Variants in CCNO observed in about 807,000 individuals in gnomAD.
The protein encoded by CCNO is cyclin O, also known as cyclin-O.
In CCNO, 24 loss-of-function variants were observed where a neutral mutation model predicts 23.9. That is an observed-to-expected ratio of 1.00 (90% CI 0.73 to 1.41). The LOEUF is 1.41. Among genes scored for constraint, CCNO ranks in the 40% most tolerant of loss-of-function variants. CCNO has a pLI of 0.00. For synonymous variants in CCNO, 241 were observed against 225.7 expected (o/e 1.07, Z -0.61); for missense variants, 542 against 476.2 (o/e 1.14, Z -1.29).
At chr5:55,231,886 C>T in intron 2 of CCNO, 26 bp from the exon 3 acceptor site, 1 of 1,503,654 alleles carries the variant, frequency 6.7e-7, no homozygotes, top group Non-Finnish European at 8.9e-7. Context: ...CACTCAACCC[C>T]GCTTTGCGGC....
chr5:55,231,935 C>A, intron 2 of CCNO, 75 bp from the exon 3 acceptor site: 1 of 1,443,648 alleles, frequency 6.9e-7, no homozygotes, highest in South Asian at 1.4e-5. Context: ...GACGCCCGGA[C>A]TTTCCCCATC....
chr5:55,231,683 G>A lies in CCNO; in HGVS notation c.745C>T (p.Gln249Ter). The part of the protein sequence containing the change: ...HFTHARVEAG[Q>*]AEASEALEAQ... ...TCCAGAGCTTCGGAGGCCTCAGCCT[G>A]CCCCGCCTCCACGCGAGCGTGCGTG... The change falls in exon 3 of 3, where the codon CAG becomes TAG. Residue 249 changes from glutamine to a stop codon, truncating the protein, a stop_gained. Transcript: ENST00000282572. LOFTEE classifies it high-confidence loss of function. 4 of 1,557,406 alleles carry A rather than the reference G, an allele frequency of 2.6e-6. No homozygotes were observed. Among genetic ancestry groups the A allele is most frequent in the Non-Finnish European group, 3.5e-6 (4 of 1,151,160 alleles).
At position 55,233,561 on chromosome 5, in the gene CCNO, C is replaced by T; in HGVS notation, c.-38G>A. ...TGGCCGCTTTACTACCTTCAACGCCCGGGCTGCGGCGGGCAGCAAACGCGC... is the reference window on the plus strand; with the variant it reads ...TGGCCGCTTTACTACCTTCAACGCCTGGGCTGCGGCGGGCAGCAAACGCGC... On this transcript the variant is annotated 5_prime_UTR_variant, in exon 1 of 3. Coordinates refer to ENST00000282572, the MANE Select transcript of CCNO (RefSeq NM_021147.5). The T allele has an allele frequency of 1.4e-6, 2 of 1,473,212 alleles. No individual in the cohort carries two copies. Among genetic ancestry groups the T allele is most frequent in the Non-Finnish European group, 8.9e-7 (1 of 1,118,458 alleles). The allele number at this position is 1,473,212 out of a possible 1,614,324, so 91.3% of individuals were successfully genotyped here.
At position 55,231,547 on chromosome 5, in the gene CCNO, A is replaced by G. The variant is rs113636604; in HGVS notation, c.881T>C (p.Met294Thr). Residue 294 changes from methionine (M) to threonine (T), a missense_variant, in exon 3 of 3, where the codon ATG (methionine) becomes ACG (threonine). Transcript: ENST00000282572. ...GTCCACGGGCCGCGAGACCCGCAGC[A>G]TGCGGTCCGCCAGCGCCAGGCAGCA... The part of the protein sequence containing the change: ...AICCLALADR[M>T]LRVSRPVDLR... The G allele has an allele frequency of 1.2e-6, 2 of 1,613,490 alleles. No homozygotes were observed. The highest frequency in any genetic ancestry group is 1.7e-6 in the Non-Finnish European group (2 of 1,179,970).
chr5:55,231,844 G>C lies in CCNO; in HGVS notation c.584C>G (p.Pro195Arg). 1 of 1,541,930 alleles carries C rather than the reference G, an allele frequency of 6.5e-7. No homozygotes were observed. The highest frequency in any genetic ancestry group is 8.8e-7 in the Non-Finnish European group (1 of 1,142,448). Residue 195 changes from proline to arginine, a missense_variant, in exon 3 of 3, where the codon CCG (proline) becomes CGG (arginine). By Grantham distance (103) the Pro-to-Arg change is moderately radical. Transcript: ENST00000282572. ...IACKQVEVHP[P>R]RVKQLLALCC... is the part of the protein sequence containing the mutation. ...GAGGGCCAGAAGCTGCTTCACGCGC[G>C]GCGGGTGCACCTCCACCTGCAACAC... is the stretch of plus-strand genomic sequence containing the variant.
Position 55,233,233 on chromosome 5 carries a change from G to T in CCNO, c.291C>A (p.Thr97=). 6.3e-7 allele frequency: 1 copy of T among 1,580,792 alleles called. No homozygotes were observed. The highest frequency in any genetic ancestry group is 8.6e-7 in the Non-Finnish European group (1 of 1,165,758). The change falls in exon 1 of 3, where the codon ACC becomes ACA. Residue 97 remains threonine, a synonymous_variant. Transcript: ENST00000282572. ...AQPVAQLDLQ[T]FRDYGQSCYA... ...AGCAGCTCTGGCCGTAGTCGCGGAAGGTCTGTAGATCTAGCTGCGCCACGG... is the reference window on the plus strand; with the variant it reads ...AGCAGCTCTGGCCGTAGTCGCGGAATGTCTGTAGATCTAGCTGCGCCACGG...
At chr5:55,232,619 C>A in intron 1 of CCNO, 73 bp from the exon 2 acceptor site, 1 of 1,443,360 alleles carries the variant, frequency 6.9e-7, no homozygotes, top group Admixed American at 1.8e-5. Context: ...GAAGGAAGGG[C>A]CAAGAAGAAT....
In CCNO at chr5:55,233,134, G is replaced by C. The variant is rs1203147514; in HGVS notation, c.381+9C>G. 2 of 1,540,408 alleles carry C rather than the reference G, an allele frequency of 1.3e-6. No homozygotes were observed. Among genetic ancestry groups the C allele is most frequent in the Non-Finnish European group, 8.7e-7 (1 of 1,146,276 alleles). Reference sequence around the variant, plus strand: ...CGGCGGCGTGGAGCTGGCTCTACCAGCACCTCACTTGTGGCTGCCGTGCCA... The same window carrying C: ...CGGCGGCGTGGAGCTGGCTCTACCACCACCTCACTTGTGGCTGCCGTGCCA... On this transcript the variant is annotated intron_variant, in intron 1 of 2. Coordinates refer to ENST00000282572, the MANE Select transcript of CCNO (RefSeq NM_021147.5).
In CCNO at chr5:55,231,154, T is replaced by G; in HGVS notation, c.*221A>C. ...CCCGCAGACAGACACTTGCAGGATT[T>G]AGACAAACCACAACTGTTTATTGGT... On this transcript the variant is annotated 3_prime_UTR_variant, in exon 3 of 3. Coordinates refer to ENST00000282572, the MANE Select transcript of CCNO (RefSeq NM_021147.5). 1.7e-6 allele frequency: 1 copy of G among 576,862 alleles called. No individual in the cohort carries two copies. The highest frequency in any genetic ancestry group is 3.1e-6 in the Non-Finnish European group (1 of 327,732). 35.7% of individuals were successfully genotyped at this position (576,862 alleles called of 1,614,324 possible). A position where few individuals can be genotyped will look rare whatever the true frequency, so the allele number is the denominator to read the frequency against.
In CCNO at chr5:55,232,351, C is replaced by T. The variant is rs755915635; in HGVS notation, c.567+10G>A. The T allele has an allele frequency of 4.8e-5, 77 of 1,611,268 alleles. No homozygotes were observed. The highest frequency in any genetic ancestry group is 5.9e-5 in the Non-Finnish European group (70 of 1,178,406). ...AGATGCCGCGTGTACCTGTTTGATA[C>T]CCCAGGTACCTGTTTGCAAGCGATG... On this transcript the variant is annotated intron_variant, in intron 2 of 2. Coordinates refer to ENST00000282572, the MANE Select transcript of CCNO (RefSeq NM_021147.5).
At chr5:55,232,691 GAAA>G in intron 1 of CCNO, 145 bp from the exon 2 acceptor site, 1 of 773,388 alleles carries the variant, frequency 1.3e-6, no homozygotes. Flanking sequence ...TGGAAACTGG[GAAA>G]CGCGTGGGCC....
In CCNO at chr5:55,231,465, C is replaced by T. The variant is rs1434258557; in HGVS notation, c.963G>A (p.Gln321=). 6.2e-7 allele frequency: 1 copy of T among 1,614,170 alleles called. No individual in the cohort carries two copies. ...AALEDCMGKL[Q]LLVAINSTSL... ...AAGTACTGTTTATGGCCACCAGCAG[C>T]TGCAACTTGCCCATACAGTCCTCCA... The change falls in exon 3 of 3, where the codon CAG becomes CAA. Residue 321 remains glutamine (Q), a synonymous_variant. Coordinates refer to ENST00000282572, the MANE Select transcript of CCNO (RefSeq NM_021147.5).
In CCNO at chr5:55,232,762, G is replaced by A. The variant is rs231622; in HGVS notation, c.382-216C>T. 179,048 of 600,212 alleles carry A rather than the reference G, an allele frequency of 0.3. 28,061 individuals carry two copies. Among genetic ancestry groups the A allele is most frequent in the East Asian group, 0.44 (15,822 of 36,120 alleles). The allele number at this position is 600,212 out of a possible 1,614,324, so 37.2% of individuals were successfully genotyped here. On this transcript the variant is annotated intron_variant, in intron 1 of 2. Transcript: ENST00000282572. ...GCGCTGTGCAGAGAGCGTCGTACAC[G>A]TTACCTCGCGTAATGGGCTCAGCAA...
chr5:55,232,881 A>C, intron 1 of CCNO: 1 of 590,110 alleles, frequency 1.7e-6, no homozygotes, highest in Non-Finnish European at 3.0e-6. Context: ...GTCCAGACTC[A>C]ACCCGGAAAC....
chr5:55,231,943 ATCCCT>A, intron 2 of CCNO, 83 bp from the exon 3 acceptor site: 1 of 1,427,440 alleles, frequency 7.0e-7, no homozygotes, highest in Non-Finnish European at 9.2e-7. Flanking sequence ...GACTTTCCCC[ATCCCT>A]TCCAGAGAGA....
In CCNO at chr5:55,233,578, C is replaced by A. The variant is rs1745670885; in HGVS notation, c.-55G>T. 6.9e-7 allele frequency: 1 copy of A among 1,454,350 alleles called. No individual in the cohort carries two copies. 90.1% of individuals were successfully genotyped at this position (1,454,350 alleles called of 1,614,324 possible). ...TCAACGCCCGGGCTGCGGCGGGCAG[C>A]AAACGCGCACTCGAAAGTGCGAAGG... is the stretch of plus-strand genomic sequence containing the variant. On this transcript the variant is annotated 5_prime_UTR_variant, in exon 1 of 3. Transcript: ENST00000282572.
rs777719468 is a variant in CCNO at position 55,231,705 on chromosome 5, C to T, written c.723G>A (p.Thr241=). 4.8e-5 allele frequency: 76 copies of T among 1,578,516 alleles called. No individual in the cohort carries two copies. Among genetic ancestry groups the T allele is most frequent in the Non-Finnish European group, 6.1e-5 (71 of 1,162,512 alleles). ...PTISFFLEHF[T]HARVEAGQAE... ...CCTGCCCCGCCTCCACGCGAGCGTG[C>T]GTGAAATGCTCCAGGAAGAAGCTAA... The change falls in exon 3 of 3, where the codon ACG becomes ACA. Residue 241 remains threonine (T), a synonymous_variant. Transcript: ENST00000282572.
In CCNO at chr5:55,231,451, A is replaced by C; in HGVS notation, c.977T>G (p.Ile326Arg). The C allele has an allele frequency of 6.2e-7, 1 of 1,614,162 alleles. No individual in the cohort carries two copies. Among genetic ancestry groups the C allele is most frequent in the Non-Finnish European group, 8.5e-7 (1 of 1,180,028 alleles). ...CMGKLQLLVA[I>R]NSTSLTHMLP... ...CATGTGAGTCAAGGAAGTACTGTTT[A>C]TGGCCACCAGCAGCTGCAACTTGCC... The change falls in exon 3 of 3, where the codon ATA becomes AGA. Residue 326 changes from isoleucine (I) to arginine (R), a missense_variant. Transcript: ENST00000282572.
Position 55,233,349 on chromosome 5 carries a change from C to A in CCNO, c.175G>T (p.Asp59Tyr). Reference protein sequence around the residue: ...CPLPGDSGICDLFESPSSGSD... With the variant: ...CPLPGDSGICYLFESPSSGSD... ...CCGGAGCTGGGGGACTCGAACAGGTCGCAAATGCCGGAGTCTCCCGGGAGC... is the reference window on the plus strand; with the variant it reads ...CCGGAGCTGGGGGACTCGAACAGGTAGCAAATGCCGGAGTCTCCCGGGAGC... The change falls in exon 1 of 3, where the codon GAC becomes TAC. Residue 59 changes from aspartate to tyrosine, a missense_variant. By Grantham distance (160) the Asp-to-Tyr change is radical. Transcript: ENST00000282572. 6.2e-7 allele frequency: 1 copy of A among 1,608,510 alleles called. No individual in the cohort carries two copies. Among genetic ancestry groups the A allele is most frequent in the Non-Finnish European group, 8.5e-7 (1 of 1,178,470 alleles).
Sources: gnomAD v4.1 joint callset for allele counts on GRCh38, gnomAD v4.1.1 for gene constraint, MANE v1.5 for transcripts, NCBI Gene and HGNC (gene_info 2026-07-23, HGNC 2026-07-21) for gene names.